Variants in TEX11 observed in about 807,000 individuals in gnomAD.
TEX11 encodes testis expressed 11, also known as testis-expressed protein 11.
A neutral mutation model predicts 84.4 loss-of-function variants in TEX11; 7 were observed. The observed-to-expected ratio is 0.08, with a 90% confidence interval of 0.05 to 0.16. The LOEUF (loss-of-function observed/expected upper bound fraction) is 0.16, where lower values mean the gene tolerates loss of function less well. Among genes scored for constraint, TEX11 ranks in the 10% least tolerant of loss-of-function variants. TEX11 has a pLI of 1.00. For missense variants in TEX11, 551 were observed against 660.5 expected, an observed-to-expected ratio of 0.83 and a Z score of 1.82; for synonymous variants, 264 against 222.8, an observed-to-expected ratio of 1.18 and a Z score of -1.64.
At chrX:70,861,826 C>T (rs2091571909) in intron 4 of TEX11, among the ~76,000 whole-genome samples, 1 of 110,898 alleles carries the variant, frequency 9.0e-6, no homozygotes, top group African/African-American at 3.3e-5. Context: ...CAAAGACTCA[C>T]TAAAAATACC....
At chrX:70,654,709 C>CAAAAAAAAAAAAAA (rs56822297) in intron 16 of TEX11, among the ~76,000 whole-genome samples, 12 of 37,617 alleles carry the variant, frequency 3.2e-4, no homozygotes, top group South Asian at 2.1e-3. Context: ...GACTCTGTCT[C>CAAAAAAAAAAAAAA]AAAAAAAAAA....
At chrX:70,543,017 T>C (rs1423731229) in intron 28 of TEX11, among the ~76,000 whole-genome samples, 1 of 109,875 alleles carries the variant, frequency 9.1e-6, no homozygotes, top group Non-Finnish European at 1.9e-5. Flanking sequence ...CCGTCTCTAC[T>C]AAAAATGCAA....
At chrX:70,817,010 T>C (rs553822808) in intron 8 of TEX11, among the ~76,000 whole-genome samples, 3 of 110,609 alleles carry the variant, frequency 2.7e-5, no homozygotes, top group Non-Finnish European at 5.7e-5. Context: ...CCAAGTTTTT[T>C]GTTGTTGGAG....
intron 13 of TEX11, among the ~76,000 whole-genome samples, chrX:70,692,049 A>C (rs934131475): frequency 1.8e-5 from 2 of 111,856 alleles, no homozygotes; most frequent in South Asian, 7.5e-4. Flanking sequence ...AAAAGTTTGG[A>C]AAAAAATATA....
rs774117470 is a variant in TEX11 at position 70,552,202 on chromosome X, G to A, written c.2444C>T (p.Ala815Val). Reference sequence around the variant, plus strand: ...CAGGGGACAGAGCTCTACATTCGACGCCCCATCTGGCACTGAGAGGTTAAC... The same window carrying A: ...CAGGGGACAGAGCTCTACATTCGACACCCCATCTGGCACTGAGAGGTTAAC... ...NLVNLSVPDG[A>V]SNVELCPLEE... Residue 815 changes from alanine (A) to valine (V), a missense_variant, in exon 28 of 30, where the codon GCG (alanine) becomes GTG (valine). Physicochemically the swap from Ala to Val is moderately conservative, Grantham distance 64 (BLOSUM62 0). Coordinates refer to ENST00000374333, the MANE Select transcript of TEX11 (RefSeq NM_031276.3). 1.7e-5 allele frequency: 20 copies of A among 1,208,810 alleles called. No individual in the cohort carries two copies. Among genetic ancestry groups the A allele is most frequent in the South Asian group, 7.1e-5 (4 of 56,582 alleles).
At chrX:70,576,420 G>C (rs1276812240) in intron 25 of TEX11, among the ~76,000 whole-genome samples, 2 of 111,952 alleles carry the variant, frequency 1.8e-5, no homozygotes, top group African/African-American at 6.5e-5. Context: ...TAACAAGTCA[G>C]AATAATTTTT....
intron 9 of TEX11, among the ~76,000 whole-genome samples, chrX:70,767,402 A>G (rs1569434849): frequency 8.9e-6 from 1 of 111,821 alleles, no homozygotes; most frequent in Non-Finnish European, 1.9e-5. Context: ...AATCAAAACT[A>G]CAATGAGATA....
At chrX:70,684,652 G>A (rs1454896061) in intron 13 of TEX11, among the ~76,000 whole-genome samples, 1 of 111,915 alleles carries the variant, frequency 8.9e-6, no homozygotes, top group Non-Finnish European at 1.9e-5. Flanking sequence ...TGATGAAATT[G>A]AAGAAAACAA....
At chrX:70,778,696 A>G (rs1471690205) in intron 9 of TEX11, among the ~76,000 whole-genome samples, 2 of 110,796 alleles carry the variant, frequency 1.8e-5, no homozygotes, top group African/African-American at 6.6e-5. Context: ...AGGTCTTGCT[A>G]CGATGCCTAG....
chrX:70,788,685 A>AACACACACAC (rs753573687), intron 9 of TEX11, among the ~76,000 whole-genome samples: 1,194 of 69,414 alleles, frequency 0.017, 24 homozygotes, highest in African/African-American at 0.056. Context: ...TCTCTTGGGA[A>AACACACACAC]ACACACACAC....
At chrX:70,677,393 T>C (rs1437098887) in intron 15 of TEX11, among the ~76,000 whole-genome samples, 2 of 111,737 alleles carry the variant, frequency 1.8e-5, no homozygotes, top group East Asian at 5.6e-4. Context: ...CTCAACCCCA[T>C]GTGAGTGCTA....
chrX:70,899,700 GAGCTCAGGAGTTCA>G (rs936631270), intron 2 of TEX11, among the ~76,000 whole-genome samples: 1 of 108,003 alleles, frequency 9.3e-6, no homozygotes, highest in African/African-American at 3.4e-5. Flanking sequence ...CAGATCACTT[GAGCTCAGGAGTTCA>G]AGACCAGCCT....
chrX:70,752,575 A>C (rs1442841204), intron 9 of TEX11, among the ~76,000 whole-genome samples: 1 of 109,257 alleles, frequency 9.2e-6, no homozygotes, highest in Non-Finnish European at 1.9e-5. Flanking sequence ...AACGTAATCC[A>C]AAAAATGTTA....
At chrX:70,679,274 G>A (rs1369299286) in intron 14 of TEX11, among the ~76,000 whole-genome samples, 1 of 111,345 alleles carries the variant, frequency 9.0e-6, no homozygotes, top group African/African-American at 3.3e-5. Flanking sequence ...GCAGTGGCGT[G>A]ATCTCGGCTC....
chrX:70,677,495 A>G (rs1213175672), intron 15 of TEX11, among the ~76,000 whole-genome samples: 1 of 112,344 alleles, frequency 8.9e-6, no homozygotes, highest in African/African-American at 3.2e-5. Context: ...TCTGTTAAAC[A>G]TTGGAAGAGG....
chrX:70,747,574 A>G (rs2090776884), intron 9 of TEX11, among the ~76,000 whole-genome samples: 1 of 112,078 alleles, frequency 8.9e-6, no homozygotes, highest in Admixed American at 9.5e-5. Flanking sequence ...GAAAAAAAGC[A>G]AAAGAAACTT....
chrX:70,628,199 C>T (rs1048653819), intron 18 of TEX11, among the ~76,000 whole-genome samples: 4 of 105,363 alleles, frequency 3.8e-5, no homozygotes, highest in African/African-American at 1.4e-4. Flanking sequence ...CACTGCACTC[C>T]AGCCTGGGTG....
At chrX:70,553,435 A>C (rs1323884943) in intron 26 of TEX11, 21 bp from the exon 27 acceptor site, 1 of 1,101,532 alleles carries the variant, frequency 9.1e-7, no homozygotes, top group Admixed American at 2.4e-5. Context: ...AAAAGGAAAA[A>C]GGTTGTGAAC....
intron 18 of TEX11, among the ~76,000 whole-genome samples, chrX:70,625,850 C>T (rs1258161982): frequency 3.8e-5 from 4 of 105,799 alleles, no homozygotes; most frequent in Admixed American, 2.0e-4. Flanking sequence ...TGGGTTCAAG[C>T]GATTCTCCTG....
Sources: gnomAD v4.1 joint callset for allele counts (sites outside exome capture counted in the v4.1 genomes callset) on GRCh38, gnomAD v4.1.1 for gene constraint, MANE v1.5 for transcripts, NCBI Gene and HGNC (gene_info 2026-07-23, HGNC 2026-07-21) for gene names.